Variants in CYP7B1 observed in about 807,000 individuals in gnomAD.
CYP7B1 encodes the protein cytochrome P450 7B1.
In CYP7B1, 29 loss-of-function variants were observed where a neutral mutation model predicts 42.7. That is an observed-to-expected ratio of 0.68 (90% CI 0.51 to 0.93). CYP7B1 has a LOEUF of 0.93. Ranked by LOEUF, CYP7B1 falls within the 40% of genes least tolerant of loss-of-function variation. The probability of loss-of-function intolerance (pLI) is 0.00; values close to 1 mark genes in which losing one functional copy is unlikely to be tolerated. For missense variants in CYP7B1, 655 were observed against 600.5 expected (o/e 1.09, Z -0.95); for synonymous variants, 235 against 218.2 (o/e 1.08, Z -0.68).
rs757503820 is a variant in CYP7B1 at position 64,771,047 on chromosome 8, C to CTTTTTTTTTTTTTTTTTTTTT, written c.122+27398_122+27418dup. Among the ~76,000 whole-genome samples the CTTTTTTTTTTTTTTTTTTTTT allele has an allele frequency of 4.9e-4, 21 of 42,502 alleles. 6 individuals carry two copies. Among genetic ancestry groups the CTTTTTTTTTTTTTTTTTTTTT allele is most frequent in the African/African-American group, 9.2e-4 (11 of 12,020 alleles). 27.9% of individuals were successfully genotyped at this position (42,502 alleles called of 152,430 possible). On this transcript the variant is annotated intron_variant, in intron 1 of 5. Transcript: ENST00000310193. ...AATCTCAAGAGTGGGATATCAGCAT[C>CTTTTTTTTTTTTTTTTTTTTT]TTTTTTTTTTTTTTTTTTTTTTTTT...
rs1386194942 is a variant in CYP7B1 at position 64,624,464 on chromosome 8, G to A, written c.198C>T (p.Pro66=). 10 of 1,613,488 alleles carry A rather than the reference G, an allele frequency of 6.2e-6. No homozygotes were observed. The South Asian group carries it at 1.1e-4, about 18-fold the overall frequency. The change falls in exon 2 of 6, where the codon CCC becomes CCT. Residue 66 remains proline (P), a synonymous_variant. Coordinates refer to ENST00000310193, the MANE Select transcript of CYP7B1 (RefSeq NM_004820.5). ...TTTGAAGTGTTTTCATGAACCTTAAGGGGTCTTTTCGTAAGTTCAGGACCA... is the reference window on the plus strand; with the variant it reads ...TTTGAAGTGTTTTCATGAACCTTAAAGGGTCTTTTCGTAAGTTCAGGACCA... ...LGVVLNLRKD[P]LRFMKTLQKQ... is the part of the protein sequence containing the mutation.
chr8:64,672,324 T>C (rs1278412758), intron 1 of CYP7B1, among the ~76,000 whole-genome samples: 1 of 152,158 alleles, frequency 6.6e-6, no homozygotes, highest in Non-Finnish European at 1.5e-5. Context: ...GTTTAAGGTA[T>C]GCAATTGCTT....
intron 1 of CYP7B1, among the ~76,000 whole-genome samples, chr8:64,792,102 TTATA>T (rs1354603213): frequency 6.6e-6 from 1 of 152,194 alleles, no homozygotes; most frequent in African/African-American, 2.4e-5. Flanking sequence ...AAAGGGATCC[TTATA>T]TAAAGTTGCA....
At chr8:64,715,603 C>T (rs1807143191) in intron 1 of CYP7B1, among the ~76,000 whole-genome samples, 1 of 152,114 alleles carries the variant, frequency 6.6e-6, no homozygotes, top group African/African-American at 2.4e-5. Context: ...TTCCTCACAC[C>T]CCTACAAAAA....
At chr8:64,724,544 A>T (rs1807293651) in intron 1 of CYP7B1, among the ~76,000 whole-genome samples, 1 of 152,238 alleles carries the variant, frequency 6.6e-6, no homozygotes, top group South Asian at 2.1e-4. Context: ...TTAAATAATC[A>T]GATTAAAACA....
intron 1 of CYP7B1, among the ~76,000 whole-genome samples, chr8:64,693,431 T>C (rs1806778545): frequency 6.6e-6 from 1 of 152,208 alleles, no homozygotes; most frequent in Non-Finnish European, 1.5e-5. Context: ...CCAGGCTCCC[T>C]CTTATCCAGA....
intron 1 of CYP7B1, among the ~76,000 whole-genome samples, chr8:64,783,541 CTT>C (rs34281051): frequency 4.1e-4 from 58 of 142,874 alleles, no homozygotes; most frequent in Non-Finnish European, 4.4e-4. Context: ...TTCCATACTA[CTT>C]TTTTTTTTTT....
rs529157743 is a variant in CYP7B1 at position 64,604,876 on chromosome 8, C to T, written c.1058-19G>A. 95 of 1,611,078 alleles carry T rather than the reference C, an allele frequency of 5.9e-5. No homozygotes were observed. The highest frequency in any genetic ancestry group is 2.4e-4 in the South Asian group (22 of 90,824). ...CTGCTTTCTGAAGGAAAAAAACAAA[C>T]GATAGCTTATTAAGATAGGGCTGGT... On this transcript the variant is annotated intron_variant, in intron 4 of 5. Transcript: ENST00000310193.
chr8:64,694,928 G>T (rs1344616066), intron 1 of CYP7B1, among the ~76,000 whole-genome samples: 1 of 152,190 alleles, frequency 6.6e-6, no homozygotes, highest in East Asian at 1.9e-4. Context: ...TGCCCGTTCT[G>T]TCCTGACTTC....
intron 1 of CYP7B1, among the ~76,000 whole-genome samples, chr8:64,695,749 C>G (rs1806817741): frequency 6.6e-6 from 1 of 150,940 alleles, no homozygotes; most frequent in African/African-American, 2.4e-5. Flanking sequence ...GTTTCATGTT[C>G]TCTTGGGCTT....
At chr8:64,776,901 A>G (rs920960631) in intron 1 of CYP7B1, among the ~76,000 whole-genome samples, 1 of 152,002 alleles carries the variant, frequency 6.6e-6, no homozygotes, top group African/African-American at 2.4e-5. Flanking sequence ...TTTAGATAAT[A>G]CCTCCTTGGT....
chr8:64,628,191 T>C (rs1178617922), intron 1 of CYP7B1, among the ~76,000 whole-genome samples: 1 of 152,190 alleles, frequency 6.6e-6, no homozygotes, highest in Non-Finnish European at 1.5e-5. Context: ...TAAGAACACA[T>C]CTAAGACATC....
intron 1 of CYP7B1, among the ~76,000 whole-genome samples, chr8:64,738,922 G>A (rs998520456): frequency 3.3e-5 from 5 of 152,150 alleles, no homozygotes; most frequent in African/African-American, 1.2e-4. Context: ...AAACTCCTGG[G>A]AGCCATAGTC....
intron 1 of CYP7B1, among the ~76,000 whole-genome samples, chr8:64,647,341 A>G (rs780353055): frequency 6.6e-5 from 10 of 152,234 alleles, no homozygotes; most frequent in Admixed American, 1.3e-4. Context: ...TGTGAGAATT[A>G]TCAAAATGTG....
At chr8:64,685,702 CG>C (rs1222827035) in intron 1 of CYP7B1, among the ~76,000 whole-genome samples, 4 of 50,466 alleles carry the variant, frequency 7.9e-5, no homozygotes, top group Non-Finnish European at 1.0e-4. Context: ...GGAGCCTCTC[CG>C]CCCGGCAGCC....
intron 1 of CYP7B1, among the ~76,000 whole-genome samples, chr8:64,737,060 T>C (rs1286200853): frequency 2.0e-5 from 3 of 152,212 alleles, no homozygotes; most frequent in Admixed American, 2.0e-4. Context: ...ACAGTGATTA[T>C]ATAGTGAATG....
chr8:64,661,612 G>A (rs1806200835), intron 1 of CYP7B1, among the ~76,000 whole-genome samples: 1 of 152,124 alleles, frequency 6.6e-6, no homozygotes, highest in African/African-American at 2.4e-5. Flanking sequence ...ATTTAAATTT[G>A]TGTGGAAAGT....
chr8:64,793,836 A>G (rs1215404216), intron 1 of CYP7B1, among the ~76,000 whole-genome samples: 3 of 152,114 alleles, frequency 2.0e-5, no homozygotes, highest in Non-Finnish European at 4.4e-5. Flanking sequence ...AGAAAAGAAA[A>G]ACCATCCCAT....
chr8:64,608,056 G>C (rs1805309892), intron 4 of CYP7B1, among the ~76,000 whole-genome samples: 1 of 152,186 alleles, frequency 6.6e-6, no homozygotes, highest in Non-Finnish European at 1.5e-5. Context: ...ACAATTCAGA[G>C]CATGCACTAC....
Sources: allele counts gnomAD v4.1 joint callset (sites outside exome capture counted in the v4.1 genomes callset), GRCh38; gene constraint gnomAD v4.1.1; transcripts MANE v1.5; gene names NCBI Gene and HGNC (gene_info 2026-07-23, HGNC 2026-07-21).